Variants in SGCD observed in about 807,000 individuals in gnomAD.
SGCD encodes the protein delta-sarcoglycan.
SGCD carries 18 observed loss-of-function variants against 36.6 expected under a neutral mutation model. The ratio of observed to expected loss-of-function variants is 0.49; its 90% CI spans 0.34 to 0.73. SGCD has a LOEUF of 0.73. Ranked by LOEUF, SGCD falls within the 30% of genes least tolerant of loss-of-function variation. SGCD has a pLI of 0.01. For synonymous variants in SGCD, 133 were observed against 130.6 expected (o/e 1.02, Z -0.12); for missense variants, 387 against 346.7 (o/e 1.12, Z -0.92).
At chr5:156,125,491 T>A (rs1482368861) in intron 3 of SGCD, among the ~76,000 whole-genome samples, 1 of 152,096 alleles carries the variant, frequency 6.6e-6, no homozygotes, top group Non-Finnish European at 1.5e-5. Flanking sequence ...TGAGCTGTGA[T>A]GTTCACATTG....
At chr5:156,187,623 G>A (rs978295490) in intron 3 of SGCD, among the ~76,000 whole-genome samples, 2 of 148,604 alleles carry the variant, frequency 1.3e-5, no homozygotes, top group East Asian at 4.2e-4. Flanking sequence ...ATGAGGATTA[G>A]GTGTGTTATA....
intron 1 of SGCD, among the ~76,000 whole-genome samples, chr5:155,928,806 A>G (rs989272774): frequency 6.6e-6 from 1 of 152,138 alleles, no homozygotes; most frequent in Non-Finnish European, 1.5e-5. Flanking sequence ...TTTTCCAGTA[A>G]CATTAAGGAC....
chr5:155,869,671 A>G (rs1309490293), upstream of SGCD, among the ~76,000 whole-genome samples: 5 of 151,226 alleles, frequency 3.3e-5, no homozygotes, highest in East Asian at 9.8e-4. Flanking sequence ...AATTTCACCT[A>G]GCCTCGGTGT....
the SGCD span, among the ~76,000 whole-genome samples, chr5:155,749,688 T>G: frequency 6.6e-6 from 1 of 152,216 alleles, no homozygotes; most frequent in African/African-American, 2.4e-5. Flanking sequence ...ATTCCTTCAT[T>G]CTTTAATCTC....
intron 3 of SGCD, among the ~76,000 whole-genome samples, chr5:156,471,639 AAATT>A (rs1361861516): frequency 1.3e-5 from 2 of 152,140 alleles, no homozygotes; most frequent in Non-Finnish European, 2.9e-5. Context: ...ACTATACAAA[AAATT>A]AATCTGAAAT....
At chr5:156,420,886 C>T (rs1045814755) in intron 3 of SGCD, among the ~76,000 whole-genome samples, 1 of 152,032 alleles carries the variant, frequency 6.6e-6, no homozygotes, top group Non-Finnish European at 1.5e-5. Context: ...CATGCTTCAA[C>T]GTGGTTATGA....
At chr5:156,740,148 T>C (rs963392368) in intron 7 of SGCD, among the ~76,000 whole-genome samples, 1 of 152,226 alleles carries the variant, frequency 6.6e-6, no homozygotes, top group Non-Finnish European at 1.5e-5. Context: ...ACCATGGAGT[T>C]GAACATGATG....
chr5:156,240,931 T>C (rs1581189764), intron 3 of SGCD, among the ~76,000 whole-genome samples: 1 of 152,320 alleles, frequency 6.6e-6, no homozygotes, highest in East Asian at 1.9e-4. Context: ...AATGTATAAT[T>C]TGCTCTCAGA....
upstream of SGCD, among the ~76,000 whole-genome samples, chr5:155,868,226 A>T (rs1376424057): frequency 6.6e-6 from 1 of 151,558 alleles, no homozygotes; most frequent in Non-Finnish European, 1.5e-5. Flanking sequence ...TAATTTTTGT[A>T]TTTTTACTAG....
At chr5:156,219,274 T>C (rs1400219609) in intron 3 of SGCD, among the ~76,000 whole-genome samples, 1 of 152,204 alleles carries the variant, frequency 6.6e-6, no homozygotes, top group Non-Finnish European at 1.5e-5. Context: ...AAGGATAGAA[T>C]TGGGGAAAAG....
intron 3 of SGCD, among the ~76,000 whole-genome samples, chr5:156,458,840 A>T (rs1217146106): frequency 6.6e-6 from 1 of 152,218 alleles, no homozygotes; most frequent in African/African-American, 2.4e-5. Context: ...TGACTAGAAC[A>T]TGGTGAGTCT....
chr5:156,201,289 G>C (rs1764144245), intron 3 of SGCD, among the ~76,000 whole-genome samples: 1 of 152,252 alleles, frequency 6.6e-6, no homozygotes, highest in South Asian at 2.1e-4. Flanking sequence ...TGACACTCAA[G>C]TACACAATGA....
intron 3 of SGCD, among the ~76,000 whole-genome samples, chr5:156,140,947 C>A (rs759251412): frequency 6.6e-6 from 1 of 152,142 alleles, no homozygotes; most frequent in Admixed American, 6.6e-5. Flanking sequence ...TGGGGCAGAA[C>A]AGTTTTAAGA....
At chr5:155,934,638 T>G (rs1757162108) in intron 1 of SGCD, among the ~76,000 whole-genome samples, 1 of 152,200 alleles carries the variant, frequency 6.6e-6, no homozygotes, top group South Asian at 2.1e-4. Context: ...TATTAACCAT[T>G]GTAGTGGAAA....
chr5:155,802,867 A>G, the SGCD span, among the ~76,000 whole-genome samples: 24 of 152,282 alleles, frequency 1.6e-4, no homozygotes, highest in African/African-American at 3.1e-4. Flanking sequence ...TCTACTTTGC[A>G]TAGATATTTT....
intron 7 of SGCD, among the ~76,000 whole-genome samples, chr5:156,670,855 G>A (rs1753260495): frequency 6.6e-6 from 1 of 152,132 alleles, no homozygotes; most frequent in South Asian, 2.1e-4. Flanking sequence ...TCCTTCAGTG[G>A]CTGTCACTAA....
chr5:155,728,119 C>T, the SGCD span, among the ~76,000 whole-genome samples: 11 of 152,144 alleles, frequency 7.2e-5, no homozygotes. Context: ...CCCGCGCCTT[C>T]GGGAGCCTCT....
At chr5:155,970,282 T>C (rs1379309852) in intron 1 of SGCD, among the ~76,000 whole-genome samples, 1 of 152,152 alleles carries the variant, frequency 6.6e-6, no homozygotes, top group Non-Finnish European at 1.5e-5. Flanking sequence ...GCTCTCTAGC[T>C]CTGTCTCTTC....
intron 1 of SGCD, among the ~76,000 whole-genome samples, chr5:156,109,226 A>G (rs1761724221): frequency 6.6e-6 from 1 of 152,146 alleles, no homozygotes; most frequent in African/African-American, 2.4e-5. Flanking sequence ...TTGTGAAGTA[A>G]CATTTCTCTT....
Sources: gnomAD v4.1 joint callset for allele counts (sites outside exome capture counted in the v4.1 genomes callset) on GRCh38, gnomAD v4.1.1 for gene constraint, MANE v1.5 for transcripts, NCBI Gene and HGNC (gene_info 2026-07-23, HGNC 2026-07-21) for gene names.